TENM4: variants seen among roughly 807,000 people sequenced by gnomAD.
TENM4 encodes teneurin-4.
In TENM4, 82 loss-of-function variants were observed where a neutral mutation model predicts 243.3. The observed-to-expected ratio is 0.34, with a 90% CI of 0.28 to 0.40. The LOEUF (loss-of-function observed/expected upper bound fraction) is 0.40, where lower values mean the gene tolerates loss of function less well. TENM4 is among the 10% of genes least tolerant of loss of function. The probability of loss-of-function intolerance (pLI) is 1.00; values close to 1 mark genes in which losing one functional copy is unlikely to be tolerated. For missense variants in TENM4, 3,138 were observed against 3,673.3 expected, an observed-to-expected ratio of 0.85 and a Z score of 3.77; for synonymous variants, 1,412 against 1,456.3, an observed-to-expected ratio of 0.97 and a Z score of 0.69.
intron 27 of TENM4, 102 bp from the exon 28 acceptor site, chr11:78,702,505 A>G (rs945999355): frequency 6.5e-6 from 9 of 1,388,408 alleles, no homozygotes; most frequent in Middle Eastern, 2.6e-4. Flanking sequence ...GTGGCTTCAT[A>G]TACAGTCTTG....
In TENM4 at chr11:79,429,093, A is replaced by T. The variant is rs528708918; in HGVS notation, c.-321+11416T>A. Among the ~76,000 whole-genome samples, 22 of 152,320 alleles carry T rather than the reference A, an allele frequency of 1.4e-4. No homozygotes were observed. The South Asian group carries it at 4.6e-3, about 32-fold the overall frequency. On this transcript the variant is annotated intron_variant, in intron 1 of 33. Transcript: ENST00000278550. ...TAGTGCCTGACAGCAGCTCAGAGAAACAGGTGTAATATCATTCTCATTTTT... is the reference window on the plus strand; with the variant it reads ...TAGTGCCTGACAGCAGCTCAGAGAATCAGGTGTAATATCATTCTCATTTTT...
chr11:78,924,224 T>C (rs1042030843), intron 6 of TENM4, among the ~76,000 whole-genome samples: 2 of 152,194 alleles, frequency 1.3e-5, no homozygotes, highest in African/African-American at 4.8e-5. Flanking sequence ...AAGCACATGG[T>C]CCACAGTGCT....
rs541620643 is a variant in TENM4, at chr11:79,204,702, G to A, written c.-163+11106C>T. Among the ~76,000 whole-genome samples, 22 of 152,298 alleles carry A rather than the reference G, an allele frequency of 1.4e-4. No individual in the cohort carries two copies. The South Asian group carries it at 3.5e-3, about 24-fold the overall frequency. On this transcript the variant is annotated intron_variant, in intron 3 of 33. Coordinates refer to ENST00000278550, the MANE Select transcript of TENM4 (RefSeq NM_001098816.3). ...CAGTGTTTAGTAGAGCTGCAGATGT[G>A]CCTGCCCTGTGTCCTAGCCATCCTA...
At chr11:78,892,310 A>G (rs370974712) in intron 7 of TENM4, among the ~76,000 whole-genome samples, 161 of 152,282 alleles carry the variant, frequency 1.1e-3, no homozygotes, top group African/African-American at 3.8e-3. Context: ...CTCTGTGGTG[A>G]ATCATTTGTA....
At chr11:79,202,885 C>T (rs531538284) in intron 3 of TENM4, among the ~76,000 whole-genome samples, 16 of 152,292 alleles carry the variant, frequency 1.1e-4, no homozygotes, top group Non-Finnish European at 1.9e-4. Context: ...TTACTCTGTT[C>T]CCAGGACATG....
At chr11:79,416,740 T>C (rs544359466) in intron 1 of TENM4, among the ~76,000 whole-genome samples, 10 of 152,190 alleles carry the variant, frequency 6.6e-5, no homozygotes, top group African/African-American at 9.7e-5. Context: ...AATTAATTGG[T>C]GGCAGGCTCA....
chr11:79,332,513 G>T (rs1326819060), intron 1 of TENM4, among the ~76,000 whole-genome samples: 1 of 151,890 alleles, frequency 6.6e-6, no homozygotes, highest in African/African-American at 2.4e-5. Flanking sequence ...CCAACCTTAT[G>T]CCGGCCCACC....
rs1287376932 is a variant in TENM4 at position 78,704,032 on chromosome 11, T to TAC, written c.4210-1630_4210-1629insGT. 3.3e-4 allele frequency among the ~76,000 whole-genome samples: 45 copies of TAC among 136,586 alleles called. 1 individual carries two copies. The highest frequency in any genetic ancestry group is 1.4e-3 in the East Asian group (7 of 5,022). 89.6% of individuals were successfully genotyped at this position (136,586 alleles called of 152,430 possible). Reference sequence around the variant, plus strand: ...ACACACACACACACACACATATATATATACACACACACACACACACACACA... The same window carrying TAC: ...ACACACACACACACACACATATATATACATACACACACACACACACACACACA... On this transcript the variant is annotated intron_variant, in intron 27 of 33. Coordinates refer to ENST00000278550, the MANE Select transcript of TENM4 (RefSeq NM_001098816.3).
intron 6 of TENM4, among the ~76,000 whole-genome samples, chr11:78,941,131 G>C (rs1038715858): frequency 1.3e-5 from 2 of 152,218 alleles, no homozygotes; most frequent in Non-Finnish European, 2.9e-5. Flanking sequence ...AAGACTGTCA[G>C]CTCTAGCACC....
rs751710519 is a variant in TENM4 at position 78,669,317 on chromosome 11, C to T, written c.7028G>A (p.Gly2343Glu). 1.1e-5 allele frequency: 18 copies of T among 1,613,772 alleles called. No homozygotes were observed. Among genetic ancestry groups the T allele is most frequent in the Non-Finnish European group, 1.4e-5 (17 of 1,179,832 alleles). ...GCTCAGCTCCATGGCAAAGAGGTGTCCTTGCAAGTCGTAGTAGAGGGAGGT... is the reference window on the plus strand; with the variant it reads ...GCTCAGCTCCATGGCAAAGAGGTGTTCTTGCAAGTCGTAGTAGAGGGAGGT... ...EITSLYYDLQ[G>E]HLFAMELSSG... The change falls in exon 32 of 34, where the codon GGA (glycine) becomes GAA (glutamate). Residue 2343 changes from glycine to glutamate, a missense_variant. Gly to Glu is a moderately conservative substitution (Grantham distance 98). Around this residue, in one of 2 missense-constraint regions of TENM4, gnomAD observed 2,467 missense variants for 3,059.1 expected, o/e 0.81. Coordinates refer to ENST00000278550, the MANE Select transcript of TENM4 (RefSeq NM_001098816.3). This position sits in a 1 kb window ranked among gnomAD's most constrained non-coding sequence, Gnocchi z 6.4.
intron 1 of TENM4, among the ~76,000 whole-genome samples, chr11:79,342,445 C>T (rs1331456544): frequency 5.9e-5 from 9 of 152,028 alleles, no homozygotes; most frequent in Non-Finnish European, 5.9e-5. Flanking sequence ...CAGGAGGAGG[C>T]GAAGAGGGTG....
rs111443556 is a variant in TENM4, at chr11:78,665,325, G to A, written c.7408+3612C>T. Among the ~76,000 whole-genome samples the A allele has an allele frequency of 6.8e-3, 1,029 of 150,534 alleles. 3 individuals are homozygous for A. The highest frequency in any genetic ancestry group is 0.021 in the Middle Eastern group (6 of 288). ...GTCTCACTGTCACCCAGGCTGGAGT[G>A]CAGTGGCATGATCTTGACTCACTGC... On this transcript the variant is annotated intron_variant, in intron 32 of 33. Coordinates refer to ENST00000278550, the MANE Select transcript of TENM4 (RefSeq NM_001098816.3).
chr11:79,064,712 C>T (rs574309898), intron 6 of TENM4, 26 bp downstream of exon 6: 38 of 1,551,246 alleles, frequency 2.4e-5, no homozygotes, highest in African/African-American at 2.3e-4. Context: ...CCCAGGCACC[C>T]GGCACAGACC....
At chr11:79,222,162 G>A (rs1334898733) in intron 2 of TENM4, among the ~76,000 whole-genome samples, 1 of 152,218 alleles carries the variant, frequency 6.6e-6, no homozygotes, top group Non-Finnish European at 1.5e-5. Context: ...AGGGACATCT[G>A]TCAGCGAGAG....
intron 6 of TENM4, among the ~76,000 whole-genome samples, chr11:79,060,203 C>T (rs936489932): frequency 2.0e-5 from 3 of 152,264 alleles, no homozygotes; most frequent in South Asian, 2.1e-4. Flanking sequence ...TCCCGACCCC[C>T]AGCCTGTTGG....
At chr11:79,212,038 C>T (rs1003022697) in intron 3 of TENM4, among the ~76,000 whole-genome samples, 3 of 152,184 alleles carry the variant, frequency 2.0e-5, no homozygotes, top group Non-Finnish European at 4.4e-5. Context: ...TGCATGTGGA[C>T]ATTTAGTGCC....
At chr11:79,263,952 A>G (rs1224259382) in intron 2 of TENM4, among the ~76,000 whole-genome samples, 3 of 152,232 alleles carry the variant, frequency 2.0e-5, no homozygotes, top group African/African-American at 7.2e-5. Flanking sequence ...ATTTTCCATC[A>G]ACATTTGGTT....
At chr11:78,668,835 T>C (rs1858230382) in intron 32 of TENM4, 102 bp downstream of exon 32, 5 of 1,418,296 alleles carry the variant, frequency 3.5e-6, no homozygotes, top group Non-Finnish European at 4.7e-6. Flanking sequence ...AAAGTCAGTG[T>C]TTCCTGTCAC....
intron 4 of TENM4, among the ~76,000 whole-genome samples, chr11:79,116,847 A>G (rs1861632195): frequency 6.6e-6 from 1 of 152,310 alleles, no homozygotes; most frequent in South Asian, 2.1e-4. Context: ...AACAGATGAT[A>G]CTGTCTACCC....
Sources: gnomAD v4.1 joint callset for allele counts (sites outside exome capture counted in the v4.1 genomes callset) on GRCh38, gnomAD v4.1.1 for gene constraint, gnomAD v4.1.1 regional missense constraint, Gnocchi (gnomAD v3.1) non-coding constraint, MANE v1.5 for transcripts, NCBI Gene and HGNC (gene_info 2026-07-23, HGNC 2026-07-21) for gene names.